Variants in ADAMTS19 observed in about 807,000 individuals in gnomAD.
ADAMTS19 encodes ADAM metallopeptidase with thrombospondin type 1 motif 19.
In ADAMTS19, 93 loss-of-function variants were observed where a neutral mutation model predicts 153.3. That is an observed-to-expected ratio of 0.61 (90% confidence interval 0.51 to 0.72). ADAMTS19 has a LOEUF of 0.72. Among genes scored for constraint, ADAMTS19 ranks in the 30% least tolerant of loss-of-function variants. The pLI, the probability that ADAMTS19 is intolerant of heterozygous loss-of-function variation, is 0.00. For synonymous variants in ADAMTS19, 600 were observed against 556.6 expected (o/e 1.08, Z -1.10); for missense variants, 1,482 against 1,552.1 (o/e 0.95, Z 0.76).
chr5:129,701,173 C>T (rs1192476316), intron 19 of ADAMTS19, among the ~76,000 whole-genome samples: 2 of 150,166 alleles, frequency 1.3e-5, no homozygotes, highest in Non-Finnish European at 3.0e-5. Flanking sequence ...CCCTCTCTTG[C>T]CTCCTGCCAT....
At chr5:129,670,677 T>C (rs1268741510) in intron 16 of ADAMTS19, among the ~76,000 whole-genome samples, 1 of 152,188 alleles carries the variant, frequency 6.6e-6, no homozygotes, top group Admixed American at 6.5e-5. Context: ...GAACACATTT[T>C]CTTTAAACTT....
At chr5:129,469,780 T>C (rs959258327) in intron 2 of ADAMTS19, among the ~76,000 whole-genome samples, 8 of 152,218 alleles carry the variant, frequency 5.3e-5, no homozygotes, top group African/African-American at 1.9e-4. Flanking sequence ...ATCACAGTTA[T>C]TCGATTTAGT....
In ADAMTS19 at chr5:129,461,437, C is replaced by T. The variant is rs1749652884; in HGVS notation, c.427C>T (p.Pro143Ser). ...SGAAALSPGA[P>S]ASWQPPPPPQ... ...GGCTGCCGCCTTGTCCCCGGGCGCC[C>T]CGGCCTCGTGGCAGCCGCCGCCTCC... The change falls in exon 2 of 23, where the codon CCG becomes TCG. Residue 143 changes from proline to serine, a missense_variant. Physicochemically the swap from Pro to Ser is moderately conservative, Grantham distance 74. Coordinates refer to ENST00000274487, the MANE Select transcript of ADAMTS19 (RefSeq NM_133638.6). The surrounding 1 kb of genome is among the most constrained non-coding windows in gnomAD (Gnocchi z 4.6). 2 of 1,423,654 alleles carry T rather than the reference C, an allele frequency of 1.4e-6. No individual in the cohort carries two copies. Among genetic ancestry groups the T allele is most frequent in the Non-Finnish European group, 1.8e-6 (2 of 1,100,078 alleles). The allele number at this position is 1,423,654 out of a possible 1,614,324, so 88.2% of individuals were successfully genotyped here.
intron 15 of ADAMTS19, among the ~76,000 whole-genome samples, chr5:129,665,261 T>G (rs1428206590): frequency 1.3e-5 from 2 of 152,184 alleles, no homozygotes; most frequent in East Asian, 3.9e-4. Context: ...ATTTTTTTGT[T>G]TGTTTTACAT....
intron 6 of ADAMTS19, among the ~76,000 whole-genome samples, chr5:129,541,090 T>C (rs1752639000): frequency 6.6e-6 from 1 of 152,086 alleles, no homozygotes; most frequent in Non-Finnish European, 1.5e-5. Context: ...TATCATCTGA[T>C]CTTTGGTTTA....
chr5:129,465,306 G>GTT (rs61242834), intron 2 of ADAMTS19, among the ~76,000 whole-genome samples: 17,410 of 125,820 alleles, frequency 0.14, 1,317 homozygotes, highest in African/African-American at 0.21. Flanking sequence ...TTAACACAAT[G>GTT]TTTTTTTTTT....
intron 1 of ADAMTS19, 125 bp from the exon 2 acceptor site, chr5:129,460,977 A>G: frequency 8.0e-7 from 1 of 1,243,452 alleles, no homozygotes. Context: ...TTCAGGGTCT[A>G]GACGGGTGGT....
In ADAMTS19 at chr5:129,625,864, T is replaced by A. The variant is rs534763751; in HGVS notation, c.1770+3516T>A. On this transcript the variant is annotated intron_variant, in intron 10 of 22. Transcript: ENST00000274487. Reference sequence around the variant, plus strand: ...TTAGTTTAATTAGATCCCATTTGTCTATTTTGGCTTTTGTTGCCATTGCTT... The same window carrying A: ...TTAGTTTAATTAGATCCCATTTGTCAATTTTGGCTTTTGTTGCCATTGCTT... 6.1e-3 allele frequency among the ~76,000 whole-genome samples: 921 copies of A among 152,202 alleles called. 12 individuals are homozygous for A. Among genetic ancestry groups the A allele is most frequent in the African/African-American group, 0.021 (879 of 41,536 alleles).
In ADAMTS19 at chr5:129,565,895, A is replaced by T. The variant is rs571988703; in HGVS notation, c.1372+13988A>T. Among the ~76,000 whole-genome samples the T allele has an allele frequency of 2.8e-4, 43 of 152,182 alleles. No homozygotes were observed. The South Asian group carries it at 4.8e-3, about 17-fold the overall frequency. ...GAACTCAGTAGAAATTTTTCTTAGC[A>T]TTTTTTTAAGCAACAGTATTGGGGA... On this transcript the variant is annotated intron_variant, in intron 7 of 22. Coordinates refer to ENST00000274487, the MANE Select transcript of ADAMTS19 (RefSeq NM_133638.6).
At chr5:129,595,003 A>C (rs1750307464) in intron 7 of ADAMTS19, among the ~76,000 whole-genome samples, 1 of 152,104 alleles carries the variant, frequency 6.6e-6, no homozygotes. Context: ...ATTTCTATAA[A>C]ATCTATTTTA....
intron 10 of ADAMTS19, among the ~76,000 whole-genome samples, chr5:129,640,181 C>G (rs191927834): frequency 6.2e-4 from 94 of 152,192 alleles, no homozygotes; most frequent in African/African-American, 7.2e-4. Flanking sequence ...ATATCTCACT[C>G]TCTCCATAGA....
chr5:129,646,207 C>A (rs184030854), intron 11 of ADAMTS19, among the ~76,000 whole-genome samples: 2 of 152,220 alleles, frequency 1.3e-5, no homozygotes, highest in African/African-American at 4.8e-5. Flanking sequence ...AATTTTTAAA[C>A]TGCATCTTTG....
intron 18 of ADAMTS19, among the ~76,000 whole-genome samples, chr5:129,685,188 C>A (rs1439438689): frequency 6.6e-6 from 1 of 151,650 alleles, no homozygotes; most frequent in African/African-American, 2.4e-5. Context: ...GAATAGTCAC[C>A]AAAGACTTTA....
chr5:129,615,960 G>A (rs1751501780), intron 8 of ADAMTS19, among the ~76,000 whole-genome samples: 1 of 151,918 alleles, frequency 6.6e-6, no homozygotes, highest in Admixed American at 6.6e-5. Context: ...CTCAACAAGT[G>A]TATGTGCATT....
At chr5:129,583,271 A>C (rs1470596403) in intron 7 of ADAMTS19, among the ~76,000 whole-genome samples, 2 of 152,146 alleles carry the variant, frequency 1.3e-5, no homozygotes, top group African/African-American at 4.8e-5. Context: ...GTTTCTGCAG[A>C]GAGATCTGGT....
chr5:129,726,618 T>G (rs1456238537), intron 21 of ADAMTS19, among the ~76,000 whole-genome samples: 2 of 152,174 alleles, frequency 1.3e-5, no homozygotes, highest in Admixed American at 1.3e-4. Flanking sequence ...TTTGCCCCCT[T>G]GTTATTAAAC....
chr5:129,563,455 G>C (rs1581089391), intron 7 of ADAMTS19, among the ~76,000 whole-genome samples: 1 of 152,090 alleles, frequency 6.6e-6, no homozygotes. Flanking sequence ...GTGTAATTAA[G>C]TATTCAAGGG....
In ADAMTS19 at chr5:129,645,712, T is replaced by C. The variant is rs115752068; in HGVS notation, c.1873-2053T>C. Among the ~76,000 whole-genome samples, 1,000 of 151,736 alleles carry C rather than the reference T, an allele frequency of 6.6e-3. 12 individuals are homozygous for C. The highest frequency in any genetic ancestry group is 0.022 in the African/African-American group (926 of 41,406). ...CTGCTAAATGGCCAAGGAGGTATGA[T>C]ATGCACTCTGGGAAACATAAACACC... On this transcript the variant is annotated intron_variant, in intron 11 of 22. Transcript: ENST00000274487.
chr5:129,679,926 G>A lies in ADAMTS19; in HGVS notation c.2664+5G>A. 2 of 1,610,710 alleles carry A rather than the reference G, an allele frequency of 1.2e-6. No individual in the cohort carries two copies. Among genetic ancestry groups the A allele is most frequent in the Non-Finnish European group, 1.7e-6 (2 of 1,178,724 alleles). On this transcript the variant is annotated splice_donor_5th_base_variant and intron_variant, in intron 17 of 22. Transcript: ENST00000274487. ...ACAGCACCTTTACATCTTCTGGTAT[G>A]AGGGAATGAATTGATAACATGGCAT...
Sources: allele counts gnomAD v4.1 joint callset (sites outside exome capture counted in the v4.1 genomes callset), GRCh38; gene constraint gnomAD v4.1.1; non-coding constraint Gnocchi (gnomAD v3.1); transcripts MANE v1.5; gene names NCBI Gene and HGNC (gene_info 2026-07-23, HGNC 2026-07-21).